ARL15: variants seen among roughly 807,000 people sequenced by gnomAD.
ARL15 encodes ADP-ribosylation factor-like protein 15.
In ARL15, 19 loss-of-function variants were observed where a neutral mutation model predicts 25.2. The ratio of observed to expected loss-of-function variants is 0.75; its 90% confidence interval spans 0.53 to 1.10. The LOEUF is 1.10. ARL15 is among the 50% of genes least tolerant of loss of function. ARL15 has a pLI of 0.00. For missense variants in ARL15, 220 were observed against 246.0 expected (o/e 0.89, Z 0.71); for synonymous variants, 94 against 86.8 (o/e 1.08, Z -0.46).
intron 4 of ARL15, among the ~76,000 whole-genome samples, chr5:53,982,158 G>A (rs983181657): frequency 3.3e-5 from 5 of 150,466 alleles, no homozygotes; most frequent in Admixed American, 6.8e-5. Context: ...GATAACCCCG[G>A]GCTTTTAAAC....
chr5:54,050,611 G>T (rs1468373496), intron 4 of ARL15, among the ~76,000 whole-genome samples: 1 of 152,180 alleles, frequency 6.6e-6, no homozygotes, highest in Non-Finnish European at 1.5e-5. Flanking sequence ...TTATGTGCGT[G>T]TGTCTAAAAC....
chr5:54,167,271 C>T (rs1754601474), intron 2 of ARL15, among the ~76,000 whole-genome samples: 1 of 152,112 alleles, frequency 6.6e-6, no homozygotes. Flanking sequence ...TCTCTCTGTA[C>T]AACTCTTTTC....
At chr5:54,128,909 G>T (rs1212513787) in intron 3 of ARL15, among the ~76,000 whole-genome samples, 1 of 151,954 alleles carries the variant, frequency 6.6e-6, no homozygotes, top group Admixed American at 6.6e-5. Flanking sequence ...GTTTTACCAT[G>T]TTAGCCAGGA....
Position 54,000,729 on chromosome 5 carries a change from G to T in ARL15, c.462+112473C>A, listed in dbSNP as rs529240840. 2.0e-5 allele frequency among the ~76,000 whole-genome samples: 3 copies of T among 152,060 alleles called. No homozygotes were observed. The South Asian group carries it at 6.3e-4, about 32-fold the overall frequency. On this transcript the variant is annotated intron_variant, in intron 4 of 4. Coordinates refer to ENST00000504924, the MANE Select transcript of ARL15 (RefSeq NM_019087.3). Reference sequence around the variant, plus strand: ...GTCCCTAATTCCTAACCAAAAAAAGGGAAATAAATAAAACATATACCTAAC... The same window carrying T: ...GTCCCTAATTCCTAACCAAAAAAAGTGAAATAAATAAAACATATACCTAAC...
intron 4 of ARL15, among the ~76,000 whole-genome samples, chr5:54,054,363 C>T (rs906060605): frequency 2.6e-5 from 4 of 152,190 alleles, no homozygotes; most frequent in African/African-American, 9.7e-5. Context: ...TATTGTGGCA[C>T]TCTTTCTGAA....
At chr5:54,164,368 T>A (rs917256480) in intron 2 of ARL15, among the ~76,000 whole-genome samples, 3 of 152,104 alleles carry the variant, frequency 2.0e-5, no homozygotes, top group African/African-American at 7.2e-5. Context: ...TTATAAAATG[T>A]TAATCAGGTC....
chr5:54,291,423 C>T (rs917925351), intron 1 of ARL15, among the ~76,000 whole-genome samples: 1 of 152,194 alleles, frequency 6.6e-6, no homozygotes, highest in African/African-American at 2.4e-5. Flanking sequence ...ATACCTAATA[C>T]AATGACAATG....
At chr5:54,215,202 A>G (rs1324437278) in intron 1 of ARL15, among the ~76,000 whole-genome samples, 2 of 151,932 alleles carry the variant, frequency 1.3e-5, no homozygotes, top group Non-Finnish European at 2.9e-5. Flanking sequence ...ATTCAACAAG[A>G]CTTTTCTGTC....
intron 4 of ARL15, among the ~76,000 whole-genome samples, chr5:54,002,213 T>A (rs1748870734): frequency 6.6e-6 from 1 of 152,180 alleles, no homozygotes; most frequent in Admixed American, 6.5e-5. Context: ...AGGACACACA[T>A]GGAATAAAGC....
chr5:54,088,093 A>C (rs2112133886), intron 4 of ARL15, among the ~76,000 whole-genome samples: 1 of 152,348 alleles, frequency 6.6e-6, no homozygotes, highest in African/African-American at 2.4e-5. Flanking sequence ...TTTCCTGTTA[A>C]GATAGCAAGA....
At chr5:54,181,613 G>T (rs1437614114) in intron 1 of ARL15, among the ~76,000 whole-genome samples, 1 of 152,116 alleles carries the variant, frequency 6.6e-6, no homozygotes, top group East Asian at 1.9e-4. Flanking sequence ...AAAGACTTAA[G>T]AAGGGTCAGG....
At chr5:54,063,841 A>G (rs933754688) in intron 4 of ARL15, among the ~76,000 whole-genome samples, 4 of 152,182 alleles carry the variant, frequency 2.6e-5, no homozygotes, top group African/African-American at 9.7e-5. Context: ...AAGCTTTATT[A>G]ATATGTATAT....
rs565642248 is a variant in ARL15, at chr5:53,928,350, C to T, written c.463-41637G>A. 7.9e-5 allele frequency among the ~76,000 whole-genome samples: 12 copies of T among 152,216 alleles called. No homozygotes were observed. In the South Asian group the frequency reaches 2.3e-3, roughly 29 times the overall value. On this transcript the variant is annotated intron_variant, in intron 4 of 4. Transcript: ENST00000504924. ...CATTTTGGTAGAAAATCAGTGTCACCGTCCTAGCCATGATCTTTCTAAAAG... is the reference window on the plus strand; with the variant it reads ...CATTTTGGTAGAAAATCAGTGTCACTGTCCTAGCCATGATCTTTCTAAAAG...
intron 4 of ARL15, among the ~76,000 whole-genome samples, chr5:53,987,504 C>T (rs1225917261): frequency 3.3e-5 from 5 of 150,810 alleles, no homozygotes; most frequent in South Asian, 2.1e-4. Context: ...AACCAACTCA[C>T]ACATTCTGAA....
At position 54,160,876 on chromosome 5, in the gene ARL15, G is replaced by A. The variant is rs1027263018; in HGVS notation, c.194-6237C>T. ...AACTCTGAAGGTAGATTCTCTTTTC[G>A]AATGTTCAAAACTCTTCAATAAATA... On this transcript the variant is annotated intron_variant, in intron 2 of 4. Coordinates refer to ENST00000504924, the MANE Select transcript of ARL15 (RefSeq NM_019087.3). Among the ~76,000 whole-genome samples the A allele has an allele frequency of 3.3e-5, 5 of 151,888 alleles. No individual in the cohort carries two copies. The East Asian group carries it at 5.8e-4, about 18-fold the overall frequency.
At chr5:54,221,919 A>G (rs1240392983) in intron 1 of ARL15, among the ~76,000 whole-genome samples, 1 of 152,100 alleles carries the variant, frequency 6.6e-6, no homozygotes, top group Admixed American at 6.5e-5. Context: ...GCACACATAC[A>G]CAGTTTTTCG....
At chr5:54,019,349 T>C (rs2111829258) in intron 4 of ARL15, among the ~76,000 whole-genome samples, 1 of 152,306 alleles carries the variant, frequency 6.6e-6, no homozygotes, top group Non-Finnish European at 1.5e-5. Flanking sequence ...CAATTAATTC[T>C]CTGGTAGTTT....
At chr5:53,891,159 T>C (rs1382848846) in intron 4 of ARL15, among the ~76,000 whole-genome samples, 2 of 152,178 alleles carry the variant, frequency 1.3e-5, no homozygotes, top group African/African-American at 4.8e-5. Context: ...GGCTGCTTGT[T>C]TTTCCTCTGT....
At chr5:54,226,291 C>A (rs189875311) in intron 1 of ARL15, among the ~76,000 whole-genome samples, 4 of 152,272 alleles carry the variant, frequency 2.6e-5, no homozygotes, top group Non-Finnish European at 4.4e-5. Flanking sequence ...AGATGAGGAA[C>A]AAGCACGTTT....
Sources: gnomAD v4.1 joint callset for allele counts (sites outside exome capture counted in the v4.1 genomes callset) on GRCh38, gnomAD v4.1.1 for gene constraint, MANE v1.5 for transcripts, NCBI Gene and HGNC (gene_info 2026-07-23, HGNC 2026-07-21) for gene names.